CFAP58: variants seen among roughly 807,000 people sequenced by gnomAD.
The protein encoded by CFAP58 is cilia- and flagella-associated protein 58.
CFAP58 carries 88 observed loss-of-function variants against 119.5 expected under a neutral mutation model. That is an observed-to-expected ratio of 0.74 (90% CI 0.62 to 0.88). The LOEUF is 0.88. Ranked by LOEUF, CFAP58 falls within the 40% of genes least tolerant of loss-of-function variation. The pLI, the probability that CFAP58 is intolerant of heterozygous loss-of-function variation, is 0.00. For synonymous variants in CFAP58, 365 were observed against 366.3 expected, an observed-to-expected ratio of 1.00 and a Z score of 0.04; for missense variants, 990 against 1,021.2, an observed-to-expected ratio of 0.97 and a Z score of 0.42.
chr10:104,445,320 C>T (rs2013096674), intron 15 of CFAP58, among the ~76,000 whole-genome samples: 1 of 126,824 alleles, frequency 7.9e-6, no homozygotes. Flanking sequence ...GAGACCCGGT[C>T]TCAAAAAAAA....
chr10:104,378,746 CT>C (rs1453791787), intron 8 of CFAP58, among the ~76,000 whole-genome samples: 7 of 152,188 alleles, frequency 4.6e-5, no homozygotes, highest in Non-Finnish European at 8.8e-5. Flanking sequence ...TATTTCAAAA[CT>C]CCTGGGGAAG....
intron 15 of CFAP58, among the ~76,000 whole-genome samples, chr10:104,413,793 G>A (rs530911411): frequency 2.6e-5 from 4 of 151,360 alleles, no homozygotes; most frequent in African/African-American, 9.7e-5. Flanking sequence ...GATAGCATTG[G>A]CATCATCATC....
Position 104,454,591 on chromosome 10 carries a change from G to A in CFAP58, c.*61G>A. Reference sequence around the variant, plus strand: ...ATGAAATCTGCTCTGGGACATTTTGGGGGAATCTCAAAGTCCTTGGATCAT... The same window carrying A: ...ATGAAATCTGCTCTGGGACATTTTGAGGGAATCTCAAAGTCCTTGGATCAT... On this transcript the variant is annotated 3_prime_UTR_variant, in exon 18 of 18. Transcript: ENST00000369704. 2 of 1,270,026 alleles carry A rather than the reference G, an allele frequency of 1.6e-6. No homozygotes were observed. The highest frequency in any genetic ancestry group is 2.4e-5 in the South Asian group (2 of 83,582). 78.7% of individuals were successfully genotyped at this position (1,270,026 alleles called of 1,614,324 possible).
At chr10:104,445,144 G>C (rs1052026845) in intron 15 of CFAP58, among the ~76,000 whole-genome samples, 4 of 151,550 alleles carry the variant, frequency 2.6e-5, no homozygotes, top group Non-Finnish European at 5.9e-5. Flanking sequence ...GCAACATAGC[G>C]AGACCCCGCC....
chr10:104,357,966 T>TACACATATATGTACACATATATAC (rs1564876196), intron 1 of CFAP58, among the ~76,000 whole-genome samples: 1 of 103,190 alleles, frequency 9.7e-6, no homozygotes, highest in African/African-American at 6.9e-5. Flanking sequence ...CACATATATG[T>TACACATATATGTACACATATATAC]ACACATATGT....
At chr10:104,431,664 T>G (rs1328746237) in intron 15 of CFAP58, among the ~76,000 whole-genome samples, 2 of 152,202 alleles carry the variant, frequency 1.3e-5, no homozygotes, top group African/African-American at 4.8e-5. Context: ...AGATGAAAAC[T>G]TCGTGTCCCT....
intron 4 of CFAP58, among the ~76,000 whole-genome samples, chr10:104,365,192 G>A (rs1469268497): frequency 6.6e-6 from 1 of 152,156 alleles, no homozygotes; most frequent in East Asian, 1.9e-4. Context: ...ACATCTGGGG[G>A]TGGTGGAAGT....
At position 104,455,036 on chromosome 10, in the gene CFAP58, A is replaced by G. The variant is rs2013258676; in HGVS notation, c.*506A>G. 1 of 152,308 alleles carries G rather than the reference A, an allele frequency of 6.6e-6. No individual in the cohort carries two copies. Among genetic ancestry groups the G allele is most frequent in the East Asian group, 1.9e-4 (1 of 5,200 alleles). 9.4% of individuals were successfully genotyped at this position (152,308 alleles called of 1,614,324 possible). A position where few individuals can be genotyped will look rare whatever the true frequency, so the allele number is the denominator to read the frequency against. On this transcript the variant is annotated 3_prime_UTR_variant, in exon 18 of 18. Coordinates refer to ENST00000369704, the MANE Select transcript of CFAP58 (RefSeq NM_001008723.2). ...TTCTTTTCAGGCCCGGAATGGGAAA[A>G]TCTATTCCAAAGAGACACACTAATA...
At chr10:104,343,024 A>T in the CFAP58 span, among the ~76,000 whole-genome samples, 1 of 152,136 alleles carries the variant, frequency 6.6e-6, no homozygotes, top group Non-Finnish European at 1.5e-5. Flanking sequence ...AAAATGCATG[A>T]CAATGGGAGA....
In CFAP58 at chr10:104,399,388, C is replaced by T. The variant is rs761265065; in HGVS notation, c.1703C>T (p.Ala568Val). The T allele has an allele frequency of 6.2e-7, 1 of 1,613,766 alleles. No homozygotes were observed. Among genetic ancestry groups the T allele is most frequent in the Non-Finnish European group, 8.5e-7 (1 of 1,179,846 alleles). The change falls in exon 12 of 18, where the codon GCC becomes GTC. Residue 568 changes from alanine (A) to valine (V), a missense_variant. Coordinates refer to ENST00000369704, the MANE Select transcript of CFAP58 (RefSeq NM_001008723.2). ...GAGCTGCAGAAGCTGAGACAACAAG[C>T]CCTGGAGACAAAACACTTTATTGAA... ...KAELQKLRQQ[A>V]LETKHFIEKQ...
At chr10:104,382,250 C>T (rs78709826) in intron 9 of CFAP58, 64,351 of 712,368 alleles carry the variant, frequency 0.09, 3,681 homozygotes, top group Non-Finnish European at 0.13. Context: ...CATATTCCAC[C>T]GGCCAACCAA....
intron 15 of CFAP58, among the ~76,000 whole-genome samples, chr10:104,416,717 A>G (rs535642895): frequency 4.6e-5 from 7 of 152,290 alleles, no homozygotes; most frequent in African/African-American, 1.7e-4. Context: ...TTTAATTGTC[A>G]CAACAACCCC....
chr10:104,405,964 G>A (rs539331554), intron 14 of CFAP58, among the ~76,000 whole-genome samples: 20 of 152,290 alleles, frequency 1.3e-4, no homozygotes, highest in Middle Eastern at 3.4e-3. Flanking sequence ...AGGTGTGGTG[G>A]CATGTGCCTG....
upstream of CFAP58, among the ~76,000 whole-genome samples, chr10:104,350,700 C>T (rs956569801): frequency 2.0e-5 from 3 of 152,300 alleles, no homozygotes; most frequent in Admixed American, 2.0e-4. Context: ...CTAAATGATA[C>T]CATCTTATTG....
chr10:104,423,444 G>T (rs1246802160), intron 15 of CFAP58, among the ~76,000 whole-genome samples: 1 of 151,968 alleles, frequency 6.6e-6, no homozygotes, highest in Non-Finnish European at 1.5e-5. Context: ...ATAAGGATCA[G>T]TTTGAATTAA....
rs749832801 is a variant in CFAP58, at chr10:104,358,327, C to CT, written c.10-7dup. The CT allele has an allele frequency of 6.2e-7, 1 of 1,601,994 alleles. No homozygotes were observed. The highest frequency in any genetic ancestry group is 8.5e-7 in the Non-Finnish European group (1 of 1,173,392). ...GTTGCATTGCCCTTTCCCATCCCTG[C>CT]TTTTTTTCTATAGGAAAAGGGTGGA... On this transcript the variant is annotated splice_polypyrimidine_tract_variant and intron_variant, in intron 1 of 17. Transcript: ENST00000369704.
Position 104,364,729 on chromosome 10 carries a change from T to C in CFAP58, c.441-4T>C. On this transcript the variant is annotated splice_region_variant and splice_polypyrimidine_tract_variant and intron_variant, in intron 3 of 17. Transcript: ENST00000369704. ...AGTCTGACTCCTGTGTTCTTCCTTT[T>C]TAGCATCCGAGATTTACTGAGGTTC... 1.9e-6 allele frequency: 3 copies of C among 1,612,888 alleles called. No homozygotes were observed. The highest frequency in any genetic ancestry group is 2.5e-6 in the Non-Finnish European group (3 of 1,179,454).
At chr10:104,358,214 C>A (rs1445791690) in intron 1 of CFAP58, 127 bp from the exon 2 acceptor site, 2 of 861,990 alleles carry the variant, frequency 2.3e-6, no homozygotes, top group Non-Finnish European at 3.5e-6. Flanking sequence ...CTTAATTTTT[C>A]TGCTTATCAG....
chr10:104,442,919 A>C (rs1368890223), intron 15 of CFAP58, among the ~76,000 whole-genome samples: 1 of 152,232 alleles, frequency 6.6e-6, no homozygotes, highest in East Asian at 1.9e-4. Flanking sequence ...TGAATGGTTT[A>C]ATTCAAGTAA....
Sources: allele counts gnomAD v4.1 joint callset (sites outside exome capture counted in the v4.1 genomes callset), GRCh38; gene constraint gnomAD v4.1.1; transcripts MANE v1.5; gene names NCBI Gene and HGNC (gene_info 2026-07-23, HGNC 2026-07-21).